CALCR: variants seen among roughly 807,000 people sequenced by gnomAD.
CALCR encodes the protein calcitonin receptor.
Under a neutral mutation model 59.5 loss-of-function variants are expected in CALCR, and 47 were observed. The ratio of observed to expected loss-of-function variants is 0.79; its 90% CI spans 0.63 to 1.01. CALCR has a LOEUF of 1.01. Ranked by LOEUF, CALCR falls within the 50% of genes least tolerant of loss-of-function variation. The probability of loss-of-function intolerance (pLI) is 0.00; values close to 1 mark genes in which losing one functional copy is unlikely to be tolerated. For synonymous variants in CALCR, 213 were observed against 211.3 expected (o/e 1.01, Z -0.07); for missense variants, 566 against 597.1 (o/e 0.95, Z 0.54).
Position 93,496,178 on chromosome 7 carries a change from G to A in CALCR, c.-26-9171C>T, listed in dbSNP as rs572037396. Among the ~76,000 whole-genome samples the A allele has an allele frequency of 2.0e-5, 3 of 151,550 alleles. No individual in the cohort carries two copies. In the South Asian group the frequency reaches 6.2e-4, roughly 31 times the overall value. On this transcript the variant is annotated intron_variant, in intron 2 of 13. Transcript: ENST00000426151. ...CAAAAGCATGTTCCATAGAAGAGCA[G>A]CAATCCCATGAGAAGCAGCATAAAA...
intron 2 of CALCR, among the ~76,000 whole-genome samples, chr7:93,494,332 G>A (rs1175351062): frequency 6.6e-6 from 1 of 151,346 alleles, no homozygotes; most frequent in East Asian, 2.0e-4. Flanking sequence ...ACTTTAAGGT[G>A]AATGGGCTGC....
chr7:93,550,639 A>ACACACACACACACG (rs1408663293), intron 2 of CALCR, among the ~76,000 whole-genome samples: 1 of 148,112 alleles, frequency 6.8e-6, no homozygotes, highest in Admixed American at 7.0e-5. Flanking sequence ...ACACACACAC[A>ACACACACACACACG]CGAGAGACAG....
At chr7:93,489,835 G>A (rs1801034194) in intron 2 of CALCR, among the ~76,000 whole-genome samples, 1 of 151,946 alleles carries the variant, frequency 6.6e-6, no homozygotes, top group African/African-American at 2.4e-5. Context: ...GAGTTACAAA[G>A]AGGAGCTGGT....
At chr7:93,492,741 A>G (rs1018108634) in intron 2 of CALCR, among the ~76,000 whole-genome samples, 33 of 151,324 alleles carry the variant, frequency 2.2e-4, no homozygotes, top group Non-Finnish European at 4.4e-5. Flanking sequence ...GAAAGGTTCA[A>G]TGAAATTGCA....
chr7:93,531,145 T>C (rs111565155), intron 2 of CALCR, among the ~76,000 whole-genome samples: 225 of 152,238 alleles, frequency 1.5e-3, no homozygotes, highest in African/African-American at 4.9e-3. Flanking sequence ...AAAATATTAT[T>C]TGACCATAAA....
At chr7:93,542,499 A>T (rs1414178075) in intron 2 of CALCR, among the ~76,000 whole-genome samples, 3 of 152,286 alleles carry the variant, frequency 2.0e-5, no homozygotes, top group African/African-American at 7.2e-5. Context: ...GGCCTAGGAC[A>T]TTACTGTACA....
intron 2 of CALCR, among the ~76,000 whole-genome samples, chr7:93,568,862 G>A (rs1789932531): frequency 6.6e-6 from 1 of 151,918 alleles, no homozygotes; most frequent in Non-Finnish European, 1.5e-5. Context: ...ATCATCACAT[G>A]GATGAGCCAA....
intron 13 of CALCR, among the ~76,000 whole-genome samples, chr7:93,431,963 T>C (rs1799667620): frequency 6.6e-6 from 1 of 152,198 alleles, no homozygotes; most frequent in African/African-American, 2.4e-5. Context: ...CTGATATGTT[T>C]GGATAATCAA....
At chr7:93,564,447 G>A (rs948400500) in intron 2 of CALCR, among the ~76,000 whole-genome samples, 5 of 151,766 alleles carry the variant, frequency 3.3e-5, no homozygotes, top group Admixed American at 3.3e-4. Context: ...CATTAACATT[G>A]ATACTACACT....
At chr7:93,485,676 T>G (rs1800926763) in intron 3 of CALCR, among the ~76,000 whole-genome samples, 1 of 151,624 alleles carries the variant, frequency 6.6e-6, no homozygotes, top group Non-Finnish European at 1.5e-5. Flanking sequence ...AATTAAAATA[T>G]TCTATTAGTT....
intron 8 of CALCR, among the ~76,000 whole-genome samples, chr7:93,460,486 G>T (rs1485264270): frequency 1.4e-5 from 2 of 148,136 alleles, no homozygotes; most frequent in Non-Finnish European, 3.0e-5. Flanking sequence ...AACCCGGGAG[G>T]CGGAGGTTGC....
At chr7:93,460,569 AAAAATATATATATATATATATATGT>A (rs1800300480) in intron 8 of CALCR, among the ~76,000 whole-genome samples, 2 of 86,704 alleles carry the variant, frequency 2.3e-5, no homozygotes, top group Non-Finnish European at 4.4e-5. Context: ...AAAAAAAAAA[AAAAATATATATATATATATATATGT>A]ATATATATAT....
intron 2 of CALCR, among the ~76,000 whole-genome samples, chr7:93,490,307 G>C (rs1801045966): frequency 6.6e-6 from 1 of 151,878 alleles, no homozygotes; most frequent in African/African-American, 2.4e-5. Flanking sequence ...CACATTGAAT[G>C]GGGATAATTG....
chr7:93,545,604 G>T (rs1326521792), intron 2 of CALCR, among the ~76,000 whole-genome samples: 1 of 152,112 alleles, frequency 6.6e-6, no homozygotes, highest in African/African-American at 2.4e-5. Flanking sequence ...GTTTTAAAAA[G>T]ACCCTATGCT....
intron 2 of CALCR, among the ~76,000 whole-genome samples, chr7:93,529,137 A>C (rs1788760885): frequency 6.6e-6 from 1 of 152,194 alleles, no homozygotes; most frequent in Non-Finnish European, 1.5e-5. Flanking sequence ...GTTGAACTGT[A>C]ATCCCCAGTG....
intron 8 of CALCR, among the ~76,000 whole-genome samples, chr7:93,447,014 A>G (rs548848962): frequency 1.3e-5 from 2 of 152,162 alleles, no homozygotes; most frequent in African/African-American, 4.8e-5. Flanking sequence ...AGTGAAAGCC[A>G]TATTATCCAC....
At chr7:93,560,050 A>G (rs1789709448) in intron 2 of CALCR, among the ~76,000 whole-genome samples, 1 of 152,144 alleles carries the variant, frequency 6.6e-6, no homozygotes, top group Non-Finnish European at 1.5e-5. Context: ...GATGAGCTCA[A>G]AACAAGAGAT....
chr7:93,557,938 C>G (rs574855961), intron 2 of CALCR, among the ~76,000 whole-genome samples: 1 of 152,018 alleles, frequency 6.6e-6, no homozygotes, highest in East Asian at 1.9e-4. Flanking sequence ...AAAAGCAAGA[C>G]CCTAACTCTT....
At chr7:93,433,712 C>T (rs1384373180) in intron 13 of CALCR, among the ~76,000 whole-genome samples, 2 of 152,206 alleles carry the variant, frequency 1.3e-5, no homozygotes, top group Non-Finnish European at 2.9e-5. Context: ...GCTAAAAACA[C>T]CCTGAGAACA....
Sources: allele counts gnomAD v4.1 joint callset (sites outside exome capture counted in the v4.1 genomes callset), GRCh38; gene constraint gnomAD v4.1.1; transcripts MANE v1.5; gene names NCBI Gene and HGNC (gene_info 2026-07-23, HGNC 2026-07-21).